Variants in THADA observed in about 807,000 individuals in gnomAD.
The protein encoded by THADA is THADA armadillo repeat containing.
In THADA, 213 loss-of-function variants were observed where a neutral mutation model predicts 219.8. The ratio of observed to expected loss-of-function variants is 0.97; its 90% confidence interval spans 0.87 to 1.09. The LOEUF (loss-of-function observed/expected upper bound fraction) is 1.09. Among genes scored for constraint, THADA ranks in the 50% least tolerant of loss-of-function variants. THADA has a pLI of 0.00. For synonymous variants in THADA, 1,018 were observed against 828.9 expected (o/e 1.23, Z -3.92); for missense variants, 2,956 against 2,311.3 (o/e 1.28, Z -5.72).
chr2:43,248,848 C>T (rs1322697582), intron 36 of THADA, among the ~76,000 whole-genome samples: 1 of 152,172 alleles, frequency 6.6e-6, no homozygotes, highest in African/African-American at 2.4e-5. Context: ...TGGGCTCTCT[C>T]GGCAGTGTGT....
At chr2:43,450,255 T>C (rs1215767486) in intron 26 of THADA, among the ~76,000 whole-genome samples, 1 of 152,186 alleles carries the variant, frequency 6.6e-6, no homozygotes, top group Non-Finnish European at 1.5e-5. Flanking sequence ...TCATACTTTG[T>C]TTTCTACATA....
At chr2:43,248,643 T>C (rs1669508300) in intron 36 of THADA, among the ~76,000 whole-genome samples, 1 of 152,248 alleles carries the variant, frequency 6.6e-6, no homozygotes, top group African/African-American at 2.4e-5. Flanking sequence ...AATTTGCATT[T>C]ACATAGAGTC....
chr2:43,297,739 C>T (rs1675685123), intron 31 of THADA, among the ~76,000 whole-genome samples: 1 of 128,324 alleles, frequency 7.8e-6, no homozygotes, highest in African/African-American at 3.2e-5. Flanking sequence ...GGTCGGCCCC[C>T]CGCCCGGCCA....
chr2:43,297,488 G>C, intron 31 of THADA, among the ~76,000 whole-genome samples: 1 of 114,488 alleles, frequency 8.7e-6, no homozygotes, highest in East Asian at 2.3e-4. Flanking sequence ...CGCCCCATCC[G>C]GGAGGGAGGT....
At chr2:43,334,789 A>C (rs1340321844) in intron 30 of THADA, among the ~76,000 whole-genome samples, 3 of 152,070 alleles carry the variant, frequency 2.0e-5, no homozygotes, top group Non-Finnish European at 2.9e-5. Context: ...CAAAAAAAAA[A>C]ACAAAAAAAA....
intron 26 of THADA, among the ~76,000 whole-genome samples, chr2:43,443,180 A>G (rs1373405659): frequency 6.6e-6 from 1 of 152,248 alleles, no homozygotes; most frequent in Non-Finnish European, 1.5e-5. Context: ...GATACTGAGT[A>G]TAATGCCCAG....
At chr2:43,585,915 A>C (rs950799597) in intron 7 of THADA, among the ~76,000 whole-genome samples, 2 of 152,056 alleles carry the variant, frequency 1.3e-5, no homozygotes, top group African/African-American at 4.8e-5. Context: ...CTTTGAATTT[A>C]TTAAAATTAA....
chr2:43,553,459 G>A (rs1696989529), intron 17 of THADA, among the ~76,000 whole-genome samples: 1 of 152,158 alleles, frequency 6.6e-6, no homozygotes, highest in Non-Finnish European at 1.5e-5. Context: ...CTCTCTTCCT[G>A]CCATGTGAGC....
At chr2:43,311,876 C>A (rs768595092) in intron 31 of THADA, among the ~76,000 whole-genome samples, 2 of 152,162 alleles carry the variant, frequency 1.3e-5, no homozygotes, top group African/African-American at 2.4e-5. Flanking sequence ...GCAGCTGGAG[C>A]TGGGAAAGGC....
chr2:43,384,249 T>A (rs888011589), intron 29 of THADA, among the ~76,000 whole-genome samples: 3 of 152,168 alleles, frequency 2.0e-5, no homozygotes, highest in Non-Finnish European at 2.9e-5. Context: ...GAAGTGATGA[T>A]CTTCAAGACA....
chr2:43,232,747 T>C lies in THADA; in HGVS notation c.5432A>G (p.Asp1811Gly). The change falls in exon 37 of 38, where the codon GAT becomes GGT. Residue 1811 changes from aspartate (D) to glycine (G), a missense_variant. Asp to Gly is a moderately conservative substitution (Grantham distance 94). Coordinates refer to ENST00000405975, the MANE Select transcript of THADA (RefSeq NM_022065.5). ...GCTCTCCACACAGGCCACGAGGTCA[T>C]CACTCTCTCCCAACAGCCATCCCAG... is the stretch of plus-strand genomic sequence containing the variant. Reference protein sequence around the residue: ...ILLGWLLGESDDLVACVESMH... With the variant: ...ILLGWLLGESGDLVACVESMH... 4 of 1,613,888 alleles carry C rather than the reference T, an allele frequency of 2.5e-6. No homozygotes were observed. Among genetic ancestry groups the C allele is most frequent in the Non-Finnish European group, 3.4e-6 (4 of 1,179,854 alleles).
chr2:43,480,021 G>A (rs2104993882), intron 26 of THADA, among the ~76,000 whole-genome samples: 1 of 152,286 alleles, frequency 6.6e-6, no homozygotes, highest in Non-Finnish European at 1.5e-5. Flanking sequence ...CAAAGAGTCT[G>A]ACAAAATAAA....
intron 25 of THADA, chr2:43,492,072 G>C (rs1180793171): frequency 6.6e-6 from 1 of 152,268 alleles, no homozygotes; most frequent in Middle Eastern, 3.1e-3. Context: ...CAGCACTTTG[G>C]GAGGCCGAGG....
intron 19 of THADA, among the ~76,000 whole-genome samples, chr2:43,549,864 G>C (rs571919945): frequency 2.0e-5 from 3 of 151,850 alleles, no homozygotes; most frequent in African/African-American, 7.2e-5. Flanking sequence ...AGGTATCAAA[G>C]TTTAAAGATA....
chr2:43,546,969 A>G (rs1057133792), intron 20 of THADA, among the ~76,000 whole-genome samples: 143 of 152,206 alleles, frequency 9.4e-4, no homozygotes, highest in African/African-American at 3.2e-3. Flanking sequence ...CCTAGCCTCA[A>G]TGGTCTTTAC....
At chr2:43,236,815 A>T (rs1206809094) in intron 36 of THADA, among the ~76,000 whole-genome samples, 1 of 151,884 alleles carries the variant, frequency 6.6e-6, no homozygotes, top group African/African-American at 2.4e-5. Flanking sequence ...TAATCCCAGC[A>T]CTTTGGAAGG....
chr2:43,590,678 A>C (rs958942237), intron 4 of THADA, 146 bp downstream of exon 4: 3 of 760,590 alleles, frequency 3.9e-6, no homozygotes, highest in Admixed American at 3.3e-5. Context: ...AGTTGTAACT[A>C]ATCAATGAAA....
chr2:43,515,202 TATATA>T (rs1415677466), intron 22 of THADA, among the ~76,000 whole-genome samples: 33 of 59,652 alleles, frequency 5.5e-4, no homozygotes, highest in Non-Finnish European at 7.2e-4. Context: ...TTATATATAA[TATATA>T]ATATATAATA....
intron 30 of THADA, among the ~76,000 whole-genome samples, chr2:43,321,026 C>T (rs1678645376): frequency 6.6e-6 from 1 of 152,114 alleles, no homozygotes; most frequent in Non-Finnish European, 1.5e-5. Flanking sequence ...GAACAATAGA[C>T]ACATGGCAAG....
Sources: allele counts gnomAD v4.1 joint callset (sites outside exome capture counted in the v4.1 genomes callset), GRCh38; gene constraint gnomAD v4.1.1; transcripts MANE v1.5; gene names NCBI Gene and HGNC (gene_info 2026-07-23, HGNC 2026-07-21).